HNRNPC: variants seen among roughly 807,000 people sequenced by gnomAD.
HNRNPC encodes the protein heterogeneous nuclear ribonucleoproteins C1/C2.
A neutral mutation model predicts 33.2 loss-of-function variants in HNRNPC; 3 were observed. The observed-to-expected ratio is 0.09, with a 90% CI of 0.04 to 0.23. The LOEUF is 0.23. Ranked by LOEUF, HNRNPC falls within the 10% of genes least tolerant of loss-of-function variation. The pLI is 1.00. For missense variants in HNRNPC, 143 were observed against 366.7 expected (o/e 0.39, Z 4.98); for synonymous variants, 121 against 126.7 (o/e 0.96, Z 0.30).
intron 2 of HNRNPC, among the ~76,000 whole-genome samples, chr14:21,238,201 A>G (rs1367181514): frequency 1.3e-5 from 2 of 152,242 alleles, no homozygotes; most frequent in African/African-American, 4.8e-5. Flanking sequence ...TTCTATATGA[A>G]TTTTTATAAC....
chr14:21,242,359 C>T (rs1193984714), intron 2 of HNRNPC, among the ~76,000 whole-genome samples: 1 of 152,122 alleles, frequency 6.6e-6, no homozygotes, highest in Non-Finnish European at 1.5e-5. Flanking sequence ...TGTCAAGCGC[C>T]TATAATTCCA....
intron 5 of HNRNPC, among the ~76,000 whole-genome samples, chr14:21,227,030 T>C (rs934765074): frequency 6.6e-6 from 1 of 152,016 alleles, no homozygotes; most frequent in Non-Finnish European, 1.5e-5. Context: ...CCATTTAAAA[T>C]AAAAATCTAA....
At chr14:21,255,769 G>A (rs1052702139) in intron 2 of HNRNPC, among the ~76,000 whole-genome samples, 8 of 152,162 alleles carry the variant, frequency 5.3e-5, no homozygotes, top group African/African-American at 1.9e-4. Flanking sequence ...ATGTATTTCT[G>A]GACATATCTC....
intron 3 of HNRNPC, chr14:21,231,568 G>A (rs1894120911): frequency 1.2e-5 from 4 of 343,430 alleles, no homozygotes; most frequent in South Asian, 4.4e-5. Context: ...CCAAAGTGCT[G>A]GAATCACAGG....
At chr14:21,213,230 T>G (rs1368487929) in intron 5 of HNRNPC, 113 bp from the exon 6 acceptor site, 7 of 1,114,596 alleles carry the variant, frequency 6.3e-6, no homozygotes, top group Non-Finnish European at 7.5e-6. Context: ...TTTCCTTTTA[T>G]TAAATTTCAT....
At chr14:21,248,298 G>C (rs886237322) in intron 2 of HNRNPC, among the ~76,000 whole-genome samples, 1 of 152,130 alleles carries the variant, frequency 6.6e-6, no homozygotes, top group Non-Finnish European at 1.5e-5. Flanking sequence ...CCCCATCTCA[G>C]CCTCCAAAAT....
At chr14:21,236,265 T>G (rs945491466) in intron 2 of HNRNPC, 1 of 152,216 alleles carries the variant, frequency 6.6e-6, no homozygotes, top group Non-Finnish European at 1.5e-5. Flanking sequence ...ATTTTCTTTA[T>G]GGTCTGGTTA....
At chr14:21,252,885 G>A (rs1394749210) in intron 2 of HNRNPC, among the ~76,000 whole-genome samples, 1 of 152,114 alleles carries the variant, frequency 6.6e-6, no homozygotes, top group Non-Finnish European at 1.5e-5. Flanking sequence ...ACAATTAAAA[G>A]ATAGCACCAG....
rs139791743 is a variant in HNRNPC, at chr14:21,245,390, C to A, written c.-36-11161G>T. Among the ~76,000 whole-genome samples, 11 of 151,468 alleles carry A rather than the reference C, an allele frequency of 7.3e-5. No individual in the cohort carries two copies. The East Asian group carries it at 2.2e-3, about 30-fold the overall frequency. On this transcript the variant is annotated intron_variant, in intron 2 of 8. Coordinates refer to ENST00000553300, the MANE Select transcript of HNRNPC (RefSeq NM_004500.4). ...GCATGCCTGTAATCCTAGCTACTCG[C>A]GAGGCGGAGGCAGGAGAAATCGCTT...
intron 5 of HNRNPC, 118 bp downstream of exon 5, chr14:21,230,177 ATTTAGAAAAAGGTGTTTTTTTGTT>A: frequency 1.9e-6 from 1 of 539,314 alleles, no homozygotes; most frequent in Non-Finnish European, 3.4e-6. Flanking sequence ...CTACTTAATG[ATTTAGAAAAAGGTGTTTTTTTGTT>A]TTGGAGTTAG....
intron 3 of HNRNPC, chr14:21,231,531 T>G: frequency 2.6e-6 from 1 of 389,970 alleles, no homozygotes; most frequent in South Asian, 1.9e-5. Flanking sequence ...GACGAACTCT[T>G]GGGGTCACGT....
At chr14:21,249,752 T>C (rs1896419495) in intron 2 of HNRNPC, among the ~76,000 whole-genome samples, 1 of 152,156 alleles carries the variant, frequency 6.6e-6, no homozygotes, top group Non-Finnish European at 1.5e-5. Flanking sequence ...TGTGCCATCA[T>C]TAAAGTGTTT....
chr14:21,233,635 T>C (rs895582473), intron 3 of HNRNPC, among the ~76,000 whole-genome samples: 2 of 152,094 alleles, frequency 1.3e-5, no homozygotes, highest in Non-Finnish European at 2.9e-5. Context: ...CAATCAACAC[T>C]AGAGGGCTCC....
chr14:21,221,813 C>T (rs1055587964), intron 5 of HNRNPC, among the ~76,000 whole-genome samples: 1 of 151,844 alleles, frequency 6.6e-6, no homozygotes, highest in Non-Finnish European at 1.5e-5. Context: ...ACTTTGAGGC[C>T]GAGGCAGGCA....
intron 2 of HNRNPC, among the ~76,000 whole-genome samples, chr14:21,243,382 T>C (rs1895586956): frequency 6.6e-6 from 1 of 152,190 alleles, no homozygotes; most frequent in African/African-American, 2.4e-5. Context: ...AACATGGCAG[T>C]TGCTATCCGA....
rs71112557 is a variant in HNRNPC at position 21,218,681 on chromosome 14, C to CAAAAAAAAAAAA, written c.366-5576_366-5565dup. Among the ~76,000 whole-genome samples, 27 of 51,250 alleles carry CAAAAAAAAAAAA rather than the reference C, an allele frequency of 5.3e-4. 3 individuals carry two copies. Among genetic ancestry groups the CAAAAAAAAAAAA allele is most frequent in the African/African-American group, 1.4e-3 (14 of 9,706 alleles). The allele number at this position is 51,250 out of a possible 152,430, so 33.6% of individuals were successfully genotyped here. A position where few individuals can be genotyped will look rare whatever the true frequency, so the allele number is the denominator to read the frequency against. On this transcript the variant is annotated intron_variant, in intron 5 of 8. Coordinates refer to ENST00000553300, the MANE Select transcript of HNRNPC (RefSeq NM_004500.4). ...TGGGAGACAAAGCGAAACTCTCTCT[C>CAAAAAAAAAAAA]AAAAAAAAAAAAAAAAAAAAAAAAA...
At chr14:21,237,384 CTGTT>C (rs772980445) in intron 2 of HNRNPC, among the ~76,000 whole-genome samples, 2 of 152,300 alleles carry the variant, frequency 1.3e-5, no homozygotes, top group East Asian at 1.9e-4. Context: ...TAAAATTTAT[CTGTT>C]TAAGAATCCA....
chr14:21,252,681 C>T (rs1354970757), intron 2 of HNRNPC, among the ~76,000 whole-genome samples: 2 of 151,968 alleles, frequency 1.3e-5, no homozygotes, highest in African/African-American at 2.4e-5. Context: ...GTGGTTAAGT[C>T]CTAATTCTTT....
intron 2 of HNRNPC, among the ~76,000 whole-genome samples, chr14:21,262,349 TTTCATTTTAAAC>T (rs1347065220): frequency 2.6e-5 from 4 of 152,252 alleles, no homozygotes; most frequent in African/African-American, 9.6e-5. Context: ...AACAAGCCAC[TTTCATTTTAAAC>T]TTCAGCTGCT....
Sources: allele counts gnomAD v4.1 joint callset (sites outside exome capture counted in the v4.1 genomes callset), GRCh38; gene constraint gnomAD v4.1.1; transcripts MANE v1.5; gene names NCBI Gene and HGNC (gene_info 2026-07-23, HGNC 2026-07-21).